Variants in LRRTM4 observed in about 807,000 individuals in gnomAD.
LRRTM4 encodes the protein leucine-rich repeat transmembrane neuronal protein 4.
In LRRTM4, 25 loss-of-function variants were observed where a neutral mutation model predicts 47.6. The ratio of observed to expected loss-of-function variants is 0.53; its 90% CI spans 0.38 to 0.73. The LOEUF (loss-of-function observed/expected upper bound fraction) is 0.73, where lower values mean the gene tolerates loss of function less well. Ranked by LOEUF, LRRTM4 falls within the 30% of genes least tolerant of loss-of-function variation. The pLI is 0.00. For missense variants in LRRTM4, 638 were observed against 713.4 expected, an observed-to-expected ratio of 0.89 and a Z score of 1.20; for synonymous variants, 311 against 269.5, an observed-to-expected ratio of 1.15 and a Z score of -1.51.
chr2:77,260,374 CGTGTGT>C lies in LRRTM4; in HGVS notation c.1551+257938_1551+257943del, dbSNP rs58758948. Among the ~76,000 whole-genome samples, 919 of 140,482 alleles carry C rather than the reference CGTGTGT, an allele frequency of 6.5e-3. 4 individuals are homozygous for C. Among genetic ancestry groups the C allele is most frequent in the Middle Eastern group, 0.022 (6 of 276 alleles). 92.2% of individuals were successfully genotyped at this position (140,482 alleles called of 152,430 possible). On this transcript the variant is annotated intron_variant, in intron 3 of 3. Transcript: ENST00000409884. ...GAAATTGGAAGTACTACCAAAAAAT[CGTGTGT>C]GTGTGTGTGTGTGTGTGTGTGTGTG...
chr2:77,293,448 G>A (rs1335382208), intron 3 of LRRTM4, among the ~76,000 whole-genome samples: 21 of 151,950 alleles, frequency 1.4e-4, no homozygotes, highest in Admixed American at 1.1e-3. Context: ...TCCCTATAAC[G>A]GAAAACCAGG....
rs908909086 is a variant in LRRTM4 at position 77,379,220 on chromosome 2, T to C, written c.1551+139098A>G. On this transcript the variant is annotated intron_variant, in intron 3 of 3. Coordinates refer to ENST00000409884, the MANE Select transcript of LRRTM4 (RefSeq NM_001134745.3). The stretch of plus-strand genomic sequence containing the variant: ...CTCTATATTGAACTTTTATTGGCAG[T>C]GGTTATTCTCACCCTCCCCTGTTTT... Among the ~76,000 whole-genome samples the C allele has an allele frequency of 5.9e-5, 9 of 152,282 alleles. No individual in the cohort carries two copies. The East Asian group carries it at 1.5e-3, about 26-fold the overall frequency.
At chr2:76,942,809 A>C (rs947548820) in intron 3 of LRRTM4, among the ~76,000 whole-genome samples, 1 of 152,082 alleles carries the variant, frequency 6.6e-6, no homozygotes, top group African/African-American at 2.4e-5. Context: ...TACTAAATAC[A>C]TATTAATTTC....
chr2:77,346,296 C>T (rs988584501), intron 3 of LRRTM4, among the ~76,000 whole-genome samples: 1 of 151,546 alleles, frequency 6.6e-6, no homozygotes, highest in African/African-American at 2.4e-5. Context: ...CCAATTATAC[C>T]CAAATAAAAA....
chr2:77,055,397 C>A (rs1254110244), intron 3 of LRRTM4, among the ~76,000 whole-genome samples: 1 of 152,138 alleles, frequency 6.6e-6, no homozygotes, highest in African/African-American at 2.4e-5. Context: ...ACAGACACTT[C>A]TCAAAAGAAG....
chr2:76,992,583 G>T (rs1045247769), intron 3 of LRRTM4, among the ~76,000 whole-genome samples: 5 of 151,086 alleles, frequency 3.3e-5, no homozygotes, highest in Non-Finnish European at 5.9e-5. Context: ...TAAAAGATCT[G>T]CACAAAGAGA....
At chr2:77,138,687 C>G (rs780803975) in intron 3 of LRRTM4, among the ~76,000 whole-genome samples, 9 of 151,764 alleles carry the variant, frequency 5.9e-5, no homozygotes, top group Non-Finnish European at 1.3e-4. Context: ...TCAATGAGCT[C>G]GTTTTTTGAA....
intron 3 of LRRTM4, among the ~76,000 whole-genome samples, chr2:77,351,077 G>A (rs552574235): frequency 5.3e-5 from 8 of 152,034 alleles, no homozygotes; most frequent in South Asian, 2.1e-4. Flanking sequence ...CTCCCACCCC[G>A]TATGCTCATG....
chr2:76,775,794 A>G (rs183463787), intron 3 of LRRTM4, among the ~76,000 whole-genome samples: 1 of 152,096 alleles, frequency 6.6e-6, no homozygotes, highest in Non-Finnish European at 1.5e-5. Context: ...TTTAGGGTAC[A>G]TGTGCATATT....
At chr2:76,864,403 A>T (rs897896804) in intron 3 of LRRTM4, among the ~76,000 whole-genome samples, 1 of 152,188 alleles carries the variant, frequency 6.6e-6, no homozygotes, top group African/African-American at 2.4e-5. Context: ...CATGCCTGTA[A>T]TCCAAGCACT....
chr2:77,367,442 C>A (rs534071071), intron 3 of LRRTM4, among the ~76,000 whole-genome samples: 1 of 151,760 alleles, frequency 6.6e-6, no homozygotes, highest in African/African-American at 2.4e-5. Flanking sequence ...AATTTAAGTC[C>A]TTGACCAGAG....
intron 3 of LRRTM4, among the ~76,000 whole-genome samples, chr2:76,931,999 T>C (rs1036020736): frequency 1.3e-5 from 2 of 152,138 alleles, no homozygotes; most frequent in Non-Finnish European, 2.9e-5. Flanking sequence ...CCACAAGATA[T>C]TTGGCTCCAG....
chr2:77,301,066 C>T (rs907633124), intron 3 of LRRTM4, among the ~76,000 whole-genome samples: 2 of 151,762 alleles, frequency 1.3e-5, no homozygotes, highest in African/African-American at 4.8e-5. Flanking sequence ...GTTGCTGGGA[C>T]TTTCTAGTTT....
intron 3 of LRRTM4, among the ~76,000 whole-genome samples, chr2:77,194,168 GTCT>G (rs1332299266): frequency 6.6e-6 from 1 of 152,102 alleles, no homozygotes; most frequent in Non-Finnish European, 1.5e-5. Flanking sequence ...AGAGGAGCCA[GTCT>G]AAGAAAATAT....
intron 3 of LRRTM4, among the ~76,000 whole-genome samples, chr2:77,196,729 A>G (rs1673837293): frequency 6.6e-6 from 1 of 152,208 alleles, no homozygotes; most frequent in Non-Finnish European, 1.5e-5. Context: ...TGACACAGTG[A>G]GATCCTTTCT....
At chr2:77,520,386 A>G (rs1302696597) in intron 2 of LRRTM4, among the ~76,000 whole-genome samples, 3 of 152,044 alleles carry the variant, frequency 2.0e-5, no homozygotes, top group Non-Finnish European at 2.9e-5. Flanking sequence ...TTGTGTACTT[A>G]TTGCATAATA....
chr2:77,225,361 A>G (rs960638641), intron 3 of LRRTM4, among the ~76,000 whole-genome samples: 1 of 151,786 alleles, frequency 6.6e-6, no homozygotes, highest in African/African-American at 2.4e-5. Flanking sequence ...CTTAAAGTAT[A>G]ATAATAATAA....
At chr2:77,517,293 A>T in intron 3 of LRRTM4, 4 of 983,376 alleles carry the variant, frequency 4.1e-6, no homozygotes, top group Non-Finnish European at 4.8e-6. Flanking sequence ...CATGGAAGGT[A>T]CACCTTTATT....
intron 3 of LRRTM4, among the ~76,000 whole-genome samples, chr2:76,879,439 G>C (rs544483263): frequency 6.6e-6 from 1 of 152,288 alleles, no homozygotes; most frequent in South Asian, 2.1e-4. Flanking sequence ...ACAAGGCCTA[G>C]AAGACAGAAC....
Sources: gnomAD v4.1 joint callset for allele counts (sites outside exome capture counted in the v4.1 genomes callset) on GRCh38, gnomAD v4.1.1 for gene constraint, MANE v1.5 for transcripts, NCBI Gene and HGNC (gene_info 2026-07-23, HGNC 2026-07-21) for gene names.